The following GABRB2 variants were observed in gnomAD, a reference collection of about 807,000 sequenced individuals.
GABRB2 encodes gamma-aminobutyric acid receptor subunit beta-2.
GABRB2 carries 16 observed loss-of-function variants against 54.7 expected under a neutral mutation model. That is an observed-to-expected ratio of 0.29 (90% CI 0.20 to 0.44). GABRB2 has a LOEUF of 0.44. GABRB2 is among the 20% of genes least tolerant of loss of function. The pLI is 1.00. For synonymous variants in GABRB2, 244 were observed against 233.8 expected (o/e 1.04, Z -0.40); for missense variants, 355 against 644.0 (o/e 0.55, Z 4.86).
At chr5:161,361,147 G>A (rs1446678729) in intron 5 of GABRB2, among the ~76,000 whole-genome samples, 1 of 151,450 alleles carries the variant, frequency 6.6e-6, no homozygotes, top group African/African-American at 2.4e-5. Flanking sequence ...AAGAGAAGGA[G>A]GCAAGAAATG....
chr5:161,521,169 C>A (rs1156543260), intron 3 of GABRB2, among the ~76,000 whole-genome samples: 1 of 151,884 alleles, frequency 6.6e-6, no homozygotes, highest in Non-Finnish European at 1.5e-5. Flanking sequence ...GTCCTAGCTG[C>A]CCCTTTAGGA....
intron 5 of GABRB2, among the ~76,000 whole-genome samples, chr5:161,361,455 G>T (rs546554681): frequency 1.3e-5 from 2 of 151,996 alleles, no homozygotes; most frequent in African/African-American, 2.4e-5. Context: ...TCTGGATCAC[G>T]TTGGGGTATA....
At chr5:161,503,358 A>T (rs911244601) in intron 3 of GABRB2, among the ~76,000 whole-genome samples, 7 of 152,156 alleles carry the variant, frequency 4.6e-5, no homozygotes, top group Non-Finnish European at 8.8e-5. Context: ...GGCAGAAAAG[A>T]ATAAAAAAGA....
intron 4 of GABRB2, among the ~76,000 whole-genome samples, chr5:161,418,708 T>C (rs1383542136): frequency 4.6e-5 from 7 of 151,846 alleles, no homozygotes; most frequent in Non-Finnish European, 7.4e-5. Context: ...AGACAACCTA[T>C]AGAATGGGAG....
At chr5:161,439,276 T>C (rs1757393783) in intron 4 of GABRB2, among the ~76,000 whole-genome samples, 1 of 152,182 alleles carries the variant, frequency 6.6e-6, no homozygotes, top group Non-Finnish European at 1.5e-5. Flanking sequence ...AAATAACTTT[T>C]AGGCTAAAAT....
At chr5:161,332,002 A>G (rs936637750) in intron 7 of GABRB2, among the ~76,000 whole-genome samples, 1 of 151,720 alleles carries the variant, frequency 6.6e-6, no homozygotes, top group African/African-American at 2.4e-5. Context: ...TGTCTCTACT[A>G]AAAATACAAA....
At chr5:161,310,677 GCACACA>G (rs71579135) in intron 9 of GABRB2, among the ~76,000 whole-genome samples, 1,791 of 150,694 alleles carry the variant, frequency 0.012, 21 homozygotes, top group African/African-American at 0.029. Flanking sequence ...GCGCACGCGC[GCACACA>G]CACACACACA....
At chr5:161,469,110 G>C (rs1289655427) in intron 3 of GABRB2, among the ~76,000 whole-genome samples, 1 of 151,748 alleles carries the variant, frequency 6.6e-6, no homozygotes, top group African/African-American at 2.4e-5. Flanking sequence ...ATTAATAGTA[G>C]TATCTCTGTG....
At chr5:161,318,741 A>C (rs1377117038) in intron 9 of GABRB2, among the ~76,000 whole-genome samples, 2 of 152,064 alleles carry the variant, frequency 1.3e-5, no homozygotes, top group Non-Finnish European at 2.9e-5. Flanking sequence ...ACCACCAAAG[A>C]AATAAAATCA....
intron 5 of GABRB2, among the ~76,000 whole-genome samples, chr5:161,379,628 ACT>A (rs1755408175): frequency 6.6e-6 from 1 of 152,050 alleles, no homozygotes; most frequent in Non-Finnish European, 1.5e-5. Context: ...TGGAGTCCAC[ACT>A]CTGGCTATAG....
At chr5:161,452,194 G>T (rs993717322) in intron 4 of GABRB2, among the ~76,000 whole-genome samples, 1 of 152,102 alleles carries the variant, frequency 6.6e-6, no homozygotes, top group Admixed American at 6.6e-5. Flanking sequence ...ATAAATCAGG[G>T]TTTTCTTCAA....
intron 3 of GABRB2, among the ~76,000 whole-genome samples, chr5:161,476,966 G>A (rs531866625): frequency 4.6e-5 from 7 of 151,580 alleles, no homozygotes; most frequent in South Asian, 2.1e-4. Flanking sequence ...CATACCAAAT[G>A]AAACAATCAG....
At chr5:161,389,551 G>T (rs1755752996) in intron 5 of GABRB2, among the ~76,000 whole-genome samples, 1 of 149,924 alleles carries the variant, frequency 6.7e-6, no homozygotes, top group Admixed American at 6.6e-5. Flanking sequence ...TGGCCTGTGG[G>T]CTCTTGTGTA....
intron 5 of GABRB2, among the ~76,000 whole-genome samples, chr5:161,406,161 T>C (rs1756344545): frequency 6.6e-6 from 1 of 152,152 alleles, no homozygotes; most frequent in Non-Finnish European, 1.5e-5. Flanking sequence ...GGATTATATT[T>C]ATAAATGGAC....
intron 7 of GABRB2, among the ~76,000 whole-genome samples, chr5:161,332,165 C>CAAG (rs1753869851): frequency 1.4e-5 from 1 of 69,452 alleles, no homozygotes; most frequent in Non-Finnish European, 2.8e-5. Context: ...GACTCCGTCT[C>CAAG]AAAAAAAAAA....
At chr5:161,414,216 T>C (rs1447101565) in intron 4 of GABRB2, among the ~76,000 whole-genome samples, 2 of 152,144 alleles carry the variant, frequency 1.3e-5, no homozygotes, top group East Asian at 1.9e-4. Context: ...GTCCTGATCA[T>C]ATGGTCGATG....
chr5:161,328,207 A>T (rs909752529), intron 8 of GABRB2, among the ~76,000 whole-genome samples: 2 of 152,316 alleles, frequency 1.3e-5, no homozygotes, highest in Middle Eastern at 3.4e-3. Context: ...TCCTGTCTAA[A>T]CAATACACTG....
intron 3 of GABRB2, among the ~76,000 whole-genome samples, chr5:161,517,566 G>C (rs1052076833): frequency 2.6e-5 from 4 of 151,558 alleles, no homozygotes; most frequent in African/African-American, 7.3e-5. Context: ...AAACACTTGA[G>C]GGGGGACTGG....
intron 5 of GABRB2, among the ~76,000 whole-genome samples, chr5:161,383,956 C>G (rs777842404): frequency 6.6e-6 from 1 of 152,090 alleles, no homozygotes; most frequent in African/African-American, 2.4e-5. Flanking sequence ...GGTGCGATCT[C>G]GGCTCATTGC....
Sources: allele counts gnomAD v4.1 joint callset (sites outside exome capture counted in the v4.1 genomes callset), GRCh38; gene constraint gnomAD v4.1.1; transcripts MANE v1.5; gene names NCBI Gene and HGNC (gene_info 2026-07-23, HGNC 2026-07-21).